Variants in SGCD observed in about 807,000 individuals in gnomAD.
SGCD encodes delta-sarcoglycan.
Under a neutral mutation model 36.6 loss-of-function variants are expected in SGCD, and 18 were observed. The observed-to-expected ratio is 0.49, with a 90% confidence interval of 0.34 to 0.73. The LOEUF is 0.73. Among genes scored for constraint, SGCD ranks in the 30% least tolerant of loss-of-function variants. SGCD has a pLI of 0.01. For synonymous variants in SGCD, 133 were observed against 130.6 expected (o/e 1.02, Z -0.12); for missense variants, 387 against 346.7 (o/e 1.12, Z -0.92).
At chr5:156,450,191 C>A (rs1295008412) in intron 3 of SGCD, among the ~76,000 whole-genome samples, 2 of 152,096 alleles carry the variant, frequency 1.3e-5, no homozygotes, top group Non-Finnish European at 2.9e-5. Context: ...TCTGCATTGT[C>A]CATTTTTCCT....
At position 156,692,346 on chromosome 5, in the gene SGCD, G is replaced by A. The variant is rs140992975; in HGVS notation, c.575+44810G>A. 1.6e-4 allele frequency among the ~76,000 whole-genome samples: 24 copies of A among 152,290 alleles called. No homozygotes were observed. In the East Asian group the frequency reaches 4.2e-3, roughly 27 times the overall value. On this transcript the variant is annotated intron_variant, in intron 7 of 8. Coordinates refer to ENST00000337851, the MANE Select transcript of SGCD (RefSeq NM_000337.6). ...ATTAATGTCTGCCATGGGTGACAGCGTGGGGAGATATGGCACAAGTGCTAG... is the reference window on the plus strand; with the variant it reads ...ATTAATGTCTGCCATGGGTGACAGCATGGGGAGATATGGCACAAGTGCTAG...
intron 4 of SGCD, among the ~76,000 whole-genome samples, chr5:156,512,654 C>A (rs752553405): frequency 3.3e-5 from 5 of 152,248 alleles, no homozygotes; most frequent in Non-Finnish European, 4.4e-5. Flanking sequence ...TGATAAGTTA[C>A]AATCTGATAA....
chr5:156,695,372 C>T (rs1324857597), intron 7 of SGCD, among the ~76,000 whole-genome samples: 1 of 152,048 alleles, frequency 6.6e-6, no homozygotes, highest in Admixed American at 6.6e-5. Context: ...CAAATTCTGC[C>T]AAAAACTGCC....
chr5:156,284,440 C>T (rs977958073), intron 3 of SGCD, among the ~76,000 whole-genome samples: 4 of 152,198 alleles, frequency 2.6e-5, no homozygotes, highest in East Asian at 1.9e-4. Context: ...ACTGGCAAAC[C>T]GAATCCAGCA....
chr5:156,263,457 G>C (rs2127666188), intron 3 of SGCD, among the ~76,000 whole-genome samples: 2 of 151,402 alleles, frequency 1.3e-5, no homozygotes, highest in Middle Eastern at 6.8e-3. Flanking sequence ...TTTTTTTCTT[G>C]CTAATTTGTT....
intron 4 of SGCD, among the ~76,000 whole-genome samples, chr5:156,537,900 C>T (rs1304805840): frequency 6.6e-6 from 1 of 151,940 alleles, no homozygotes. Context: ...CTTCTGCCTT[C>T]TCATGGTTCT....
chr5:156,010,719 ATC>A (rs976057422), intron 1 of SGCD, among the ~76,000 whole-genome samples: 1 of 152,102 alleles, frequency 6.6e-6, no homozygotes, highest in Non-Finnish European at 1.5e-5. Context: ...CACTTCTAAT[ATC>A]TGTTTTATAG....
chr5:156,362,143 G>C (rs1769829291), intron 3 of SGCD, among the ~76,000 whole-genome samples: 1 of 152,162 alleles, frequency 6.6e-6, no homozygotes, highest in African/African-American at 2.4e-5. Context: ...CCCTAAGTAG[G>C]AGCCAATGAA....
intron 3 of SGCD, among the ~76,000 whole-genome samples, chr5:156,305,665 A>G (rs1176255807): frequency 3.3e-5 from 5 of 152,210 alleles, no homozygotes; most frequent in Non-Finnish European, 7.3e-5. Context: ...CCAGAATGGT[A>G]GATCCACCAA....
At chr5:155,790,075 TTA>T in the SGCD span, among the ~76,000 whole-genome samples, 1 of 152,090 alleles carries the variant, frequency 6.6e-6, no homozygotes, top group African/African-American at 2.4e-5. Context: ...GATGTTGACC[TTA>T]TGTTTGCCTC....
At chr5:156,357,920 C>T (rs1731991002) in intron 3 of SGCD, among the ~76,000 whole-genome samples, 1 of 152,158 alleles carries the variant, frequency 6.6e-6, no homozygotes, top group Non-Finnish European at 1.5e-5. Context: ...GATAACAGAA[C>T]TCGGCAACAC....
intron 2 of SGCD, among the ~76,000 whole-genome samples, chr5:156,331,769 G>A (rs76529530): frequency 0.014 from 2,071 of 152,218 alleles, 21 homozygotes; most frequent in Non-Finnish European, 0.022. Context: ...CTCTCCGAAC[G>A]AATCATTCGA....
chr5:156,600,519 T>C (rs1581233060), intron 6 of SGCD, among the ~76,000 whole-genome samples: 1 of 152,216 alleles, frequency 6.6e-6, no homozygotes, highest in African/African-American at 2.4e-5. Flanking sequence ...GGCTGAACAG[T>C]ATTCCATTGT....
intron 3 of SGCD, among the ~76,000 whole-genome samples, chr5:156,404,604 C>T (rs563207221): frequency 3.8e-4 from 58 of 152,304 alleles, no homozygotes; most frequent in Admixed American, 1.4e-3. Context: ...TCATACAGAG[C>T]ACCTGACTGA....
At chr5:156,654,129 G>A (rs191266226) in intron 7 of SGCD, among the ~76,000 whole-genome samples, 75 of 152,192 alleles carry the variant, frequency 4.9e-4, no homozygotes, top group African/African-American at 1.7e-3. Context: ...ACTTTAATAT[G>A]TATAGCACAA....
At chr5:156,434,504 A>G (rs886522289) in intron 3 of SGCD, among the ~76,000 whole-genome samples, 6 of 152,174 alleles carry the variant, frequency 3.9e-5, no homozygotes, top group Non-Finnish European at 1.5e-5. Context: ...CTAAGATAGT[A>G]TTTAATTAGT....
chr5:156,095,413 G>C (rs111423423), intron 1 of SGCD, among the ~76,000 whole-genome samples: 3 of 152,328 alleles, frequency 2.0e-5, no homozygotes, highest in African/African-American at 7.2e-5. Context: ...AGGGCAAAGA[G>C]ATTGGAATTG....
At chr5:155,804,058 G>A in the SGCD span, among the ~76,000 whole-genome samples, 1 of 152,188 alleles carries the variant, frequency 6.6e-6, no homozygotes, top group Admixed American at 6.5e-5. Flanking sequence ...ATACTATGGA[G>A]AGGATTAGAA....
At chr5:156,607,386 G>C (rs373202335) in intron 6 of SGCD, among the ~76,000 whole-genome samples, 1 of 152,190 alleles carries the variant, frequency 6.6e-6, no homozygotes, top group Non-Finnish European at 1.5e-5. Flanking sequence ...TTGCATCCCA[G>C]GGATGAAGCC....
Sources: gnomAD v4.1 joint callset for allele counts (sites outside exome capture counted in the v4.1 genomes callset) on GRCh38, gnomAD v4.1.1 for gene constraint, MANE v1.5 for transcripts, NCBI Gene and HGNC (gene_info 2026-07-23, HGNC 2026-07-21) for gene names.